The following ADTRP variants were observed in gnomAD, a reference collection of about 807,000 sequenced individuals.
ADTRP encodes the protein androgen-dependent TFPI-regulating protein.
A neutral mutation model predicts 27.0 loss-of-function variants in ADTRP; 20 were observed. The ratio of observed to expected loss-of-function variants is 0.74; its 90% CI spans 0.52 to 1.08. ADTRP has a LOEUF of 1.08. Ranked by LOEUF, ADTRP falls within the 50% of genes least tolerant of loss-of-function variation. The pLI is 0.00. For missense variants in ADTRP, 251 were observed against 275.0 expected (o/e 0.91, Z 0.62); for synonymous variants, 101 against 105.2 (o/e 0.96, Z 0.25).
intron 3 of ADTRP, among the ~76,000 whole-genome samples, chr6:11,757,793 T>G (rs1763260835): frequency 6.6e-6 from 1 of 152,192 alleles, no homozygotes; most frequent in South Asian, 2.1e-4. Flanking sequence ...GAAGAAGGCA[T>G]GGAGTAGATT....
At chr6:11,770,591 G>A (rs1372322981) in intron 1 of ADTRP, among the ~76,000 whole-genome samples, 1 of 152,154 alleles carries the variant, frequency 6.6e-6, no homozygotes, top group Non-Finnish European at 1.5e-5. Flanking sequence ...TGGGCCCTGG[G>A]GTGGAGGAGC....
intron 3 of ADTRP, among the ~76,000 whole-genome samples, chr6:11,739,575 C>A (rs901801832): frequency 1.7e-5 from 2 of 119,638 alleles, no homozygotes; most frequent in African/African-American, 5.0e-5. Flanking sequence ...TACAAAATAG[C>A]CTTGCAGATG....
chr6:11,722,508 CTT>C (rs1762050704), intron 5 of ADTRP, among the ~76,000 whole-genome samples: 1 of 152,086 alleles, frequency 6.6e-6, no homozygotes, highest in South Asian at 2.1e-4. Flanking sequence ...GGGTGTGACT[CTT>C]TGCCATCCTT....
At chr6:11,767,318 G>A (rs1257929799) in intron 2 of ADTRP, among the ~76,000 whole-genome samples, 2 of 152,226 alleles carry the variant, frequency 1.3e-5, no homozygotes, top group Admixed American at 1.3e-4. Flanking sequence ...GGGCAACAGA[G>A]TGAGACTTTA....
intron 2 of ADTRP, among the ~76,000 whole-genome samples, chr6:11,767,143 A>T (rs1164348515): frequency 6.6e-6 from 1 of 152,210 alleles, no homozygotes; most frequent in Non-Finnish European, 1.5e-5. Context: ...AGGCCAAGGC[A>T]GGCAGATCAC....
intron 4 of ADTRP, among the ~76,000 whole-genome samples, chr6:11,733,102 A>G (rs370593839): frequency 1.3e-5 from 2 of 152,194 alleles, no homozygotes; most frequent in African/African-American, 4.8e-5. Context: ...AGTCATCTCT[A>G]AGTCACCTCC....
Position 11,735,694 on chromosome 6 carries a change from GA to G in ADTRP, c.391-12del. On this transcript the variant is annotated splice_polypyrimidine_tract_variant and intron_variant, in intron 3 of 5. Transcript: ENST00000414691. Reference sequence around the variant, plus strand: ...GAATATGAAAGTGTGCTGCAGGAGAGAAAATGGCAAATCAGAATGGCAGGGT... The same window carrying G: ...GAATATGAAAGTGTGCTGCAGGAGAGAAATGGCAAATCAGAATGGCAGGGT... The G allele has an allele frequency of 6.3e-7, 1 of 1,591,788 alleles. No individual in the cohort carries two copies. The highest frequency in any genetic ancestry group is 8.6e-7 in the Non-Finnish European group (1 of 1,160,036).
intron 1 of ADTRP, among the ~76,000 whole-genome samples, chr6:11,778,368 T>C (rs1455949848): frequency 6.6e-6 from 1 of 152,210 alleles, no homozygotes; most frequent in Non-Finnish European, 1.5e-5. Context: ...ATGAGATTTT[T>C]TTTTTCAAGA....
intron 1 of ADTRP, among the ~76,000 whole-genome samples, chr6:11,770,868 G>A (rs1333133891): frequency 2.0e-5 from 3 of 152,160 alleles, no homozygotes; most frequent in Non-Finnish European, 2.9e-5. Context: ...CTGTAGTTAG[G>A]AAGAGCAGGC....
chr6:11,729,974 C>T (rs1408009679), intron 4 of ADTRP, among the ~76,000 whole-genome samples: 1 of 152,190 alleles, frequency 6.6e-6, no homozygotes, highest in African/African-American at 2.4e-5. Flanking sequence ...GTTGTTTCAA[C>T]AATGTGTCTC....
intron 3 of ADTRP, among the ~76,000 whole-genome samples, chr6:11,758,577 G>T (rs1032692504): frequency 3.3e-5 from 4 of 120,360 alleles, no homozygotes; most frequent in South Asian, 3.8e-4. Context: ...TTGTGGGGTG[G>T]GGGGGGGGGA....
chr6:11,776,292 AG>A (rs1763954381), intron 1 of ADTRP, among the ~76,000 whole-genome samples: 2 of 152,214 alleles, frequency 1.3e-5, no homozygotes, highest in South Asian at 4.1e-4. Context: ...GGACTGCTTG[AG>A]GATGCAGAAA....
At chr6:11,715,260 T>C (rs1014542234) in intron 5 of ADTRP, among the ~76,000 whole-genome samples, 1 of 152,198 alleles carries the variant, frequency 6.6e-6, no homozygotes, top group African/African-American at 2.4e-5. Flanking sequence ...AGCAAATCCA[T>C]GCTCCTAATT....
chr6:11,765,658 G>A (rs941725620), intron 3 of ADTRP, among the ~76,000 whole-genome samples: 9 of 151,870 alleles, frequency 5.9e-5, no homozygotes, highest in African/African-American at 9.7e-5. Flanking sequence ...TCCTCCAACC[G>A]AGACCTGGCA....
At chr6:11,743,672 C>T (rs1475816528) in intron 3 of ADTRP, among the ~76,000 whole-genome samples, 1 of 152,210 alleles carries the variant, frequency 6.6e-6, no homozygotes, top group Non-Finnish European at 1.5e-5. Context: ...TTAGGGTCAC[C>T]ATTTTCTCTC....
intron 3 of ADTRP, among the ~76,000 whole-genome samples, 176 bp downstream of exon 3, chr6:11,766,098 A>T (rs541571868): frequency 6.6e-6 from 1 of 152,342 alleles, no homozygotes. Flanking sequence ...ACTCACTGTA[A>T]TTATAGCACT....
At chr6:11,718,510 G>A (rs1465201673) in intron 5 of ADTRP, among the ~76,000 whole-genome samples, 2 of 152,214 alleles carry the variant, frequency 1.3e-5, no homozygotes, top group Non-Finnish European at 2.9e-5. Flanking sequence ...TGTCCTGATT[G>A]CCTCTTGCCC....
chr6:11,773,046 G>A (rs1198998924), intron 1 of ADTRP, among the ~76,000 whole-genome samples: 1 of 152,210 alleles, frequency 6.6e-6, no homozygotes, highest in Non-Finnish European at 1.5e-5. Flanking sequence ...TTCATGATGG[G>A]ATGGCCTCAT....
intron 3 of ADTRP, among the ~76,000 whole-genome samples, chr6:11,737,328 C>T (rs1465562114): frequency 6.6e-6 from 1 of 152,168 alleles, no homozygotes; most frequent in Non-Finnish European, 1.5e-5. Context: ...AGCTCCCGCC[C>T]CATCTTGTTC....
Sources: allele counts gnomAD v4.1 joint callset (sites outside exome capture counted in the v4.1 genomes callset), GRCh38; gene constraint gnomAD v4.1.1; transcripts MANE v1.5; gene names NCBI Gene and HGNC (gene_info 2026-07-23, HGNC 2026-07-21).